Variants in STAT2 observed in about 807,000 individuals in gnomAD.
The protein encoded by STAT2 is signal transducer and activator of transcription 2.
STAT2 carries 51 observed loss-of-function variants against 122.3 expected under a neutral mutation model. The observed-to-expected ratio is 0.42, with a 90% confidence interval of 0.33 to 0.53. The LOEUF (loss-of-function observed/expected upper bound fraction) is 0.53, where lower values mean the gene tolerates loss of function less well. STAT2 is among the 20% of genes least tolerant of loss of function. STAT2 has a pLI of 0.10. For missense variants in STAT2, 736 were observed against 1,010.3 expected, an observed-to-expected ratio of 0.73 and a Z score of 3.68; for synonymous variants, 351 against 394.9, an observed-to-expected ratio of 0.89 and a Z score of 1.32.
At chr12:56,346,314 T>C (rs1477716860) in intron 21 of STAT2, 111 bp from the exon 22 acceptor site, 2 of 1,553,570 alleles carry the variant, frequency 1.3e-6, no homozygotes, top group Non-Finnish European at 1.8e-6. Context: ...TAACCAGCAG[T>C]ATCCCATGGA....
At position 56,356,466 on chromosome 12, in the gene STAT2, C is replaced by T. The variant is rs1879530120; in HGVS notation, c.106G>A (p.Ala36Thr). ...CAGTTCTGGTCTTCAATCCAGACAG[C>T]CAAGTACTGTCGAATGTCCACAGGC... ...LLPVDIRQYL[A>T]VWIEDQNWQE... The change falls in exon 2 of 24, where the codon GCT becomes ACT. Residue 36 changes from alanine to threonine, a missense_variant. Coordinates refer to ENST00000314128, the MANE Select transcript of STAT2 (RefSeq NM_005419.4). 6.2e-7 allele frequency: 1 copy of T among 1,614,086 alleles called. No individual in the cohort carries two copies. The highest frequency in any genetic ancestry group is 8.5e-7 in the Non-Finnish European group (1 of 1,180,034).
rs1239790572 is a variant in STAT2, at chr12:56,355,695, G to A, written c.381+13C>T. 6.2e-7 allele frequency: 1 copy of A among 1,612,714 alleles called. No homozygotes were observed. The highest frequency in any genetic ancestry group is 1.3e-5 in the African/African-American group (1 of 74,948). ...TTCAGGAGTTTCCAACATTACCACT[G>A]AATTGTCCTCACCAATTGGGCCCTC... On this transcript the variant is annotated intron_variant, in intron 4 of 23. Coordinates refer to ENST00000314128, the MANE Select transcript of STAT2 (RefSeq NM_005419.4).
rs2136030433 is a variant in STAT2, at chr12:56,342,909, A to C, written c.*480T>G. 6.5e-6 allele frequency: 1 copy of C among 152,936 alleles called. No homozygotes were observed. The highest frequency in any genetic ancestry group is 1.5e-5 in the Non-Finnish European group (1 of 68,516). 9.5% of individuals were successfully genotyped at this position (152,936 alleles called of 1,614,324 possible). On this transcript the variant is annotated 3_prime_UTR_variant, in exon 24 of 24. Coordinates refer to ENST00000314128, the MANE Select transcript of STAT2 (RefSeq NM_005419.4). ...GAAATTCAGGGCTTGAGCCAGGAGT[A>C]AAGGAAAGAAGAAAGCAAGTTATCC...
rs1401256920 is a variant in STAT2, at chr12:56,348,522, G to C, written c.1724+7C>G. ...AGCCCATGAGGGAAGGGTGACCAAG[G>C]CCTTACCCATCATTCCAGAGATCCT... On this transcript the variant is annotated splice_region_variant and intron_variant, in intron 19 of 23. Coordinates refer to ENST00000314128, the MANE Select transcript of STAT2 (RefSeq NM_005419.4). 1.2e-6 allele frequency: 2 copies of C among 1,613,982 alleles called. No individual in the cohort carries two copies. Among genetic ancestry groups the C allele is most frequent in the Non-Finnish European group, 1.7e-6 (2 of 1,179,860 alleles).
chr12:56,343,401 A>G lies in STAT2; in HGVS notation c.2544T>C (p.Pro848=), dbSNP rs1185748310. 6.2e-7 allele frequency: 1 copy of G among 1,613,592 alleles called. No individual in the cohort carries two copies. The highest frequency in any genetic ancestry group is 8.5e-7 in the Non-Finnish European group (1 of 1,179,658). The change falls in exon 24 of 24, where the codon CCT becomes CCC. Residue 848 remains proline, a synonymous_variant. Coordinates refer to ENST00000314128, the MANE Select transcript of STAT2 (RefSeq NM_005419.4). ...GGAAATGTGGTTCCTAGAAGTCAGAAGGCATCAAGGGTCCATCAGTGTAGA... is the reference window on the plus strand; with the variant it reads ...GGAAATGTGGTTCCTAGAAGTCAGAGGGCATCAAGGGTCCATCAGTGTAGA... ...SHFYTDGPLM[P]SDF
chr12:56,355,563 C>G (rs1879373162), intron 4 of STAT2, 31 bp from the exon 5 acceptor site: 3 of 1,613,426 alleles, frequency 1.9e-6, no homozygotes, highest in Non-Finnish European at 2.5e-6. Flanking sequence ...CACGTTTTAA[C>G]TCTGGCCTTT....
At chr12:56,350,606 C>T (rs1878313648) in intron 11 of STAT2, among the ~76,000 whole-genome samples, 174 bp from the exon 12 acceptor site, 1 of 152,150 alleles carries the variant, frequency 6.6e-6, no homozygotes, top group Non-Finnish European at 1.5e-5. Flanking sequence ...TTGTACAGTG[C>T]ACTGGTAATA....
intron 8 of STAT2, among the ~76,000 whole-genome samples, chr12:56,353,570 G>A (rs1281880075): frequency 3.9e-5 from 6 of 152,086 alleles, no homozygotes; most frequent in Non-Finnish European, 5.9e-5. Flanking sequence ...AAAATATAGC[G>A]TTTCCTGGAA....
chr12:56,353,437 A>G (rs1878870746), intron 8 of STAT2, among the ~76,000 whole-genome samples: 1 of 152,138 alleles, frequency 6.6e-6, no homozygotes, highest in Non-Finnish European at 1.5e-5. Flanking sequence ...CTGGCCTGGT[A>G]TATTTCTAAA....
At chr12:56,347,286 T>C (rs920277651) in intron 19 of STAT2, among the ~76,000 whole-genome samples, 3 of 150,536 alleles carry the variant, frequency 2.0e-5, no homozygotes, top group Non-Finnish European at 4.4e-5. Context: ...CCTCCCGGGC[T>C]CAAGCAATCT....
rs750660259 is a variant in STAT2 at position 56,346,948 on chromosome 12, T to G, written c.1732A>C (p.Met578Leu). Reference sequence around the variant, plus strand: ...TCCTGGCTCCGACTCACAAAGCCCATGATGCGTCTGGAGCACAGAGAGCAG... The same window carrying G: ...TCCTGGCTCCGACTCACAAAGCCCAGGATGCGTCTGGAGCACAGAGAGCAG... ...LKDLWNDGRI[M>L]GFVSRSQERR... The change falls in exon 20 of 24, where the codon ATG (methionine) becomes CTG (leucine). Residue 578 changes from methionine to leucine, a missense_variant. Coordinates refer to ENST00000314128, the MANE Select transcript of STAT2 (RefSeq NM_005419.4). 6.2e-7 allele frequency: 1 copy of G among 1,614,164 alleles called. No homozygotes were observed. Among genetic ancestry groups the G allele is most frequent in the Non-Finnish European group, 8.5e-7 (1 of 1,180,020 alleles).
At chr12:56,354,995 G>T in intron 6 of STAT2, 132 bp from the exon 7 acceptor site, 1 of 935,532 alleles carries the variant, frequency 1.1e-6, no homozygotes, top group Non-Finnish European at 1.7e-6. Flanking sequence ...GGCACCTGTG[G>T]GACCCTCAGG....
intron 22 of STAT2, among the ~76,000 whole-genome samples, chr12:56,345,524 A>AAAAATATATATATATATATATATAT (rs1555169410): frequency 1.1e-4 from 3 of 26,232 alleles, no homozygotes; most frequent in Non-Finnish European, 1.6e-4. Context: ...AAAAAAAAAA[A>AAAAATATATATATATATATATATAT]ATATATATAT....
At chr12:56,345,277 G>A (rs1877205068) in intron 22 of STAT2, among the ~76,000 whole-genome samples, 1 of 149,012 alleles carries the variant, frequency 6.7e-6, no homozygotes, top group Non-Finnish European at 1.5e-5. Flanking sequence ...ACTGCTTGAG[G>A]CCAGGAGTTC....
chr12:56,344,277 T>G, intron 22 of STAT2, 142 bp from the exon 23 acceptor site: 1 of 1,258,990 alleles, frequency 7.9e-7, no homozygotes. Context: ...CCTCCTGGAG[T>G]TTGAATCCTG....
Position 56,349,227 on chromosome 12 carries a change from A to C in STAT2, c.1376T>G (p.Met459Arg). The C allele has an allele frequency of 1.2e-6, 2 of 1,614,230 alleles. No homozygotes were observed. The highest frequency in any genetic ancestry group is 1.7e-6 in the Non-Finnish European group (2 of 1,180,050). Residue 459 changes from methionine (M) to arginine (R), a missense_variant, in exon 16 of 24, where the codon ATG becomes AGG. By Grantham distance (91) the Met-to-Arg change is moderately conservative. Coordinates refer to ENST00000314128, the MANE Select transcript of STAT2 (RefSeq NM_005419.4). ...AGCCCAGGCAATTGAGAGCTGGTTCATGTTGGAAATAATCACCACAGGGAG... is the reference window on the plus strand; with the variant it reads ...AGCCCAGGCAATTGAGAGCTGGTTCCTGTTGGAAATAATCACCACAGGGAG... ...DTLPVVIISN[M>R]NQLSIAWASV...
chr12:56,343,800 T>G (rs779069720), intron 23 of STAT2, 25 bp downstream of exon 23: 2 of 1,610,886 alleles, frequency 1.2e-6, no homozygotes, highest in Non-Finnish European at 1.7e-6. Flanking sequence ...TGTGCCATCT[T>G]CCATAGCTCC....
At chr12:56,353,719 C>G (rs1485788185) in intron 8 of STAT2, among the ~76,000 whole-genome samples, 1 of 151,838 alleles carries the variant, frequency 6.6e-6, no homozygotes, top group East Asian at 1.9e-4. Flanking sequence ...GTTGGCCGGG[C>G]ATGGTGGCTC....
At position 56,346,137 on chromosome 12, in the gene STAT2, A is replaced by G. The variant is rs1232068901; in HGVS notation, c.2102+9T>C. On this transcript the variant is annotated intron_variant, in intron 22 of 23. Coordinates refer to ENST00000314128, the MANE Select transcript of STAT2 (RefSeq NM_005419.4). The stretch of plus-strand genomic sequence containing the variant: ...ATTAGGGAGGATGAATGAAGAGTTC[A>G]TATCTCACCTATTAGAGACCACAAT... 3.7e-6 allele frequency: 6 copies of G among 1,614,214 alleles called. No homozygotes were observed. Among genetic ancestry groups the G allele is most frequent in the Admixed American group, 1.7e-5 (1 of 60,028 alleles).
Sources: allele counts gnomAD v4.1 joint callset (sites outside exome capture counted in the v4.1 genomes callset), GRCh38; gene constraint gnomAD v4.1.1; transcripts MANE v1.5; gene names NCBI Gene and HGNC (gene_info 2026-07-23, HGNC 2026-07-21).